PTPN13: variants seen among roughly 807,000 people sequenced by gnomAD.
PTPN13 encodes tyrosine-protein phosphatase non-receptor type 13.
A neutral mutation model predicts 284.0 loss-of-function variants in PTPN13; 191 were observed. The observed-to-expected ratio is 0.67, with a 90% CI of 0.60 to 0.76. The LOEUF is 0.76. Ranked by LOEUF, PTPN13 falls within the 30% of genes least tolerant of loss-of-function variation. The pLI is 0.00. For synonymous variants in PTPN13, 986 were observed against 1,022.3 expected (o/e 0.96, Z 0.68); for missense variants, 2,797 against 2,939.9 (o/e 0.95, Z 1.12).
At chr4:86,758,648 A>G (rs534601719) in intron 21 of PTPN13, 30 bp from the exon 22 acceptor site, 15 of 1,567,348 alleles carry the variant, frequency 9.6e-6, no homozygotes, top group Non-Finnish European at 1.1e-5. Context: ...CAGCAATATG[A>G]AAATCTTTTT....
In PTPN13 at chr4:86,807,856, A is replaced by G; in HGVS notation, c.7042A>G (p.Lys2348Glu). 1.2e-6 allele frequency: 2 copies of G among 1,613,982 alleles called. No individual in the cohort carries two copies. Among genetic ancestry groups the G allele is most frequent in the South Asian group, 2.2e-5 (2 of 91,070 alleles). The change falls in exon 45 of 48, where the codon AAG (lysine) becomes GAG (glutamate). Residue 2348 changes from lysine (K) to glutamate (E), a missense_variant. Physicochemically the swap from Lys to Glu is moderately conservative, Grantham distance 56. Coordinates refer to ENST00000411767, the MANE Select transcript of PTPN13 (RefSeq NM_080683.3). ...GGCTCTTGTGAGAATGCAGCAGCTG[A>G]AGGGCTTTGTGGTGAGGGCAATGAC... is the stretch of plus-strand genomic sequence containing the variant. Reference protein sequence around the residue: ...RLALVRMQQLKGFVVRAMTLE... With the variant: ...RLALVRMQQLEGFVVRAMTLE...
intron 1 of PTPN13, among the ~76,000 whole-genome samples, chr4:86,633,870 G>A (rs973480167): frequency 6.6e-6 from 1 of 152,080 alleles, no homozygotes; most frequent in African/African-American, 2.4e-5. Flanking sequence ...TGCAGGCAGG[G>A]GATCTAAATA....
In PTPN13 at chr4:86,652,481, G is replaced by A. The variant is rs7691324; in HGVS notation, c.115+17110G>A. Among the ~76,000 whole-genome samples, 1,245 of 152,186 alleles carry A rather than the reference G, an allele frequency of 8.2e-3. 18 individuals carry two copies. The highest frequency in any genetic ancestry group is 0.029 in the African/African-American group (1,203 of 41,536). Reference sequence around the variant, plus strand: ...AATCCATCAGCTTTTGTTTGTCTGGGGAAGTCTTTATCTCTCCTTCATGTT... The same window carrying A: ...AATCCATCAGCTTTTGTTTGTCTGGAGAAGTCTTTATCTCTCCTTCATGTT... On this transcript the variant is annotated intron_variant, in intron 2 of 47. Transcript: ENST00000411767.
At chr4:86,624,176 A>G (rs1565169738) in intron 1 of PTPN13, among the ~76,000 whole-genome samples, 1 of 151,916 alleles carries the variant, frequency 6.6e-6, no homozygotes, top group African/African-American at 2.4e-5. Flanking sequence ...TTGTAGCTTT[A>G]TTTTCTTTTT....
Position 86,672,902 on chromosome 4 carries a change from G to C in PTPN13, c.294+359G>C, listed in dbSNP as rs553140802. Reference sequence around the variant, plus strand: ...AATCCTCATCCTTTTTGGCACCAGGGACTGGTTTCATGGAAGACAGTTTTT... The same window carrying C: ...AATCCTCATCCTTTTTGGCACCAGGCACTGGTTTCATGGAAGACAGTTTTT... On this transcript the variant is annotated intron_variant, in intron 3 of 47. Transcript: ENST00000411767. Among the ~76,000 whole-genome samples the C allele has an allele frequency of 2.7e-3, 416 of 152,266 alleles. 3 individuals carry two copies. The highest frequency in any genetic ancestry group is 9.5e-3 in the African/African-American group (396 of 41,546).
At chr4:86,706,958 C>T (rs1731840452) in intron 7 of PTPN13, among the ~76,000 whole-genome samples, 1 of 152,068 alleles carries the variant, frequency 6.6e-6, no homozygotes, top group Admixed American at 6.6e-5. Flanking sequence ...TTTTCTACCT[C>T]TTCAACTCCA....
Position 86,767,940 on chromosome 4 carries a change from ACAACT to A in PTPN13, c.4456_4460del (p.Thr1486GlyfsTer9). The A allele has an allele frequency of 1.2e-6, 2 of 1,611,580 alleles. No homozygotes were observed. The highest frequency in any genetic ancestry group is 1.7e-6 in the Non-Finnish European group (2 of 1,178,886). On this transcript the variant is annotated frameshift_variant, in exon 28 of 48. Transcript: ENST00000411767. LOFTEE classifies it high-confidence loss of function. ...TCAAGGCCCAGAAAAAGTGAAGAAAACAACTCAGGTCAAAGACTACAGCTTTGTCA... is the reference window on the plus strand; with the variant it reads ...TCAAGGCCCAGAAAAAGTGAAGAAAACAGGTCAAAGACTACAGCTTTGTCA...
At chr4:86,661,418 T>C (rs1726472109) in intron 2 of PTPN13, among the ~76,000 whole-genome samples, 1 of 152,148 alleles carries the variant, frequency 6.6e-6, no homozygotes, top group African/African-American at 2.4e-5. Flanking sequence ...AAATTTTACT[T>C]TCTTGGGGTG....
At chr4:86,751,737 A>G (rs1316725851) in intron 19 of PTPN13, among the ~76,000 whole-genome samples, 1 of 152,098 alleles carries the variant, frequency 6.6e-6, no homozygotes, top group Non-Finnish European at 1.5e-5. Context: ...AACTCTGGTA[A>G]TGCTATAGTT....
intron 17 of PTPN13, among the ~76,000 whole-genome samples, chr4:86,747,036 G>C (rs956981347): frequency 2.0e-5 from 3 of 152,322 alleles, no homozygotes; most frequent in African/African-American, 7.2e-5. Flanking sequence ...AGAGCCATCA[G>C]CATTCTTACT....
chr4:86,744,315 T>G (rs2149179908), intron 16 of PTPN13, among the ~76,000 whole-genome samples: 1 of 152,328 alleles, frequency 6.6e-6, no homozygotes, highest in African/African-American at 2.4e-5. Flanking sequence ...TTTCATTTTC[T>G]TGTATCCAAT....
chr4:86,739,115 T>C (rs996898975), intron 15 of PTPN13, among the ~76,000 whole-genome samples: 1 of 152,232 alleles, frequency 6.6e-6, no homozygotes, highest in Non-Finnish European at 1.5e-5. Context: ...CTAAGTTTTA[T>C]GCTTTTAGTG....
chr4:86,629,866 C>T (rs935185480), intron 1 of PTPN13, among the ~76,000 whole-genome samples: 7 of 151,992 alleles, frequency 4.6e-5, no homozygotes, highest in Non-Finnish European at 2.9e-5. Context: ...AAGCAATCCT[C>T]CCATCTCAAC....
chr4:86,767,242 C>CTT (rs71657583), intron 27 of PTPN13, among the ~76,000 whole-genome samples: 10,733 of 126,624 alleles, frequency 0.085, 580 homozygotes, highest in Non-Finnish European at 0.12. Context: ...CCACACCTGG[C>CTT]TTTTTTTTTT....
chr4:86,672,069 C>A (rs956875298), intron 2 of PTPN13, among the ~76,000 whole-genome samples: 3 of 152,136 alleles, frequency 2.0e-5, no homozygotes, highest in Admixed American at 6.5e-5. Context: ...ACATTTGAAC[C>A]AAGTTTAATT....
chr4:86,599,721 A>C (rs1335190706), intron 1 of PTPN13, among the ~76,000 whole-genome samples: 1 of 152,108 alleles, frequency 6.6e-6, no homozygotes, highest in African/African-American at 2.4e-5. Context: ...TTATTTTTTA[A>C]AGTTACTTTT....
chr4:86,699,922 G>C (rs752752897), intron 6 of PTPN13, among the ~76,000 whole-genome samples: 2 of 152,086 alleles, frequency 1.3e-5, no homozygotes, highest in Non-Finnish European at 2.9e-5. Context: ...TCTTAGGTTA[G>C]AAGCTGGAGT....
intron 1 of PTPN13, among the ~76,000 whole-genome samples, chr4:86,611,970 C>T (rs1719942855): frequency 6.6e-6 from 1 of 152,136 alleles, no homozygotes; most frequent in South Asian, 2.1e-4. Flanking sequence ...GTGCCTGTTC[C>T]CACAAACTGG....
At chr4:86,775,701 C>A in intron 35 of PTPN13, 49 bp downstream of exon 35, 1 of 1,364,122 alleles carries the variant, frequency 7.3e-7, no homozygotes, top group Non-Finnish European at 1.0e-6. Flanking sequence ...GTGTGCATTT[C>A]AGGTCATTGA....
Sources: gnomAD v4.1 joint callset for allele counts (sites outside exome capture counted in the v4.1 genomes callset) on GRCh38, gnomAD v4.1.1 for gene constraint, MANE v1.5 for transcripts, NCBI Gene and HGNC (gene_info 2026-07-23, HGNC 2026-07-21) for gene names.